RPTOR: variants seen among roughly 807,000 people sequenced by gnomAD.
The protein encoded by RPTOR is regulatory-associated protein of mTOR.
Under a neutral mutation model 169.9 loss-of-function variants are expected in RPTOR, and 21 were observed. That is an observed-to-expected ratio of 0.12 (90% CI 0.09 to 0.18). The LOEUF is 0.18. Among genes scored for constraint, RPTOR ranks in the 10% least tolerant of loss-of-function variants. The pLI is 1.00. For missense variants in RPTOR, 1,133 were observed against 1,855.9 expected, an observed-to-expected ratio of 0.61 and a Z score of 7.16; for synonymous variants, 732 against 753.2, an observed-to-expected ratio of 0.97 and a Z score of 0.46.
chr17:80,628,031 T>G (rs538437237), intron 2 of RPTOR, among the ~76,000 whole-genome samples: 4 of 152,160 alleles, frequency 2.6e-5, no homozygotes, highest in African/African-American at 7.2e-5. Context: ...AGAGACAGGA[T>G]TTCTCCATGT....
At chr17:80,857,742 G>C (rs764407197) in intron 12 of RPTOR, 48 bp from the exon 13 acceptor site, 1 of 1,427,886 alleles carries the variant, frequency 7.0e-7, no homozygotes, top group Non-Finnish European at 9.8e-7. Context: ...GCTGCTGCCC[G>C]TTCCCTTGCT....
chr17:80,867,611 CTA>C (rs200213236), intron 13 of RPTOR, among the ~76,000 whole-genome samples: 1,881 of 152,246 alleles, frequency 0.012, 29 homozygotes, highest in African/African-American at 0.043. Flanking sequence ...GCATGATTGT[CTA>C]TGTGGAGAAT....
In RPTOR at chr17:80,823,082, T is replaced by G; in HGVS notation, c.995T>G (p.Leu332Arg). Residue 332 changes from leucine (L) to arginine (R), a missense_variant, in exon 9 of 34, where the codon CTC becomes CGC. Coordinates refer to ENST00000306801, the MANE Select transcript of RPTOR (RefSeq NM_020761.3). This position sits in a 1 kb window ranked among gnomAD's most constrained non-coding sequence, Gnocchi z 4.5. ...TIAWNVLPRD[L>R]FQKLFRQDLL... is the part of the protein sequence containing the mutation. ...TTTATCTTTTATCTGCCCTCAGATC[T>G]CTTCCAAAAGCTCTTCAGACAGGAC... is the stretch of plus-strand genomic sequence containing the variant. The G allele has an allele frequency of 6.2e-7, 1 of 1,614,152 alleles. No homozygotes were observed. The highest frequency in any genetic ancestry group is 1.1e-5 in the South Asian group (1 of 91,072).
chr17:80,862,601 TCCGC>T (rs1567954970), intron 13 of RPTOR, among the ~76,000 whole-genome samples: 28 of 146,912 alleles, frequency 1.9e-4, no homozygotes, highest in African/African-American at 7.3e-4. Flanking sequence ...CCTCTGGAGC[TCCGC>T]CCACCATGAT....
chr17:80,679,903 C>T (rs538136698), intron 3 of RPTOR, among the ~76,000 whole-genome samples: 2 of 134,758 alleles, frequency 1.5e-5, no homozygotes, highest in Admixed American at 7.2e-5. Context: ...GGTGAGGTGT[C>T]CTCTCCACGG....
intron 29 of RPTOR, among the ~76,000 whole-genome samples, chr17:80,958,704 C>T (rs974757528): frequency 2.6e-5 from 4 of 152,196 alleles, no homozygotes; most frequent in African/African-American, 7.2e-5. Flanking sequence ...TGAGCCACTG[C>T]GCCCGGCCAG....
Position 80,957,707 on chromosome 17 carries a change from A to G in RPTOR, c.3454A>G (p.Thr1152Ala), listed in dbSNP as rs1357242716. Reference protein sequence around the residue: ...GDVRIVRIWDTDREMKVQDIP... With the variant: ...GDVRIVRIWDADREMKVQDIP... ...CGTGCGGATCGTCCGGATCTGGGAC[A>G]CAGACCGTGAGATGAAGGTGCAGGT... Residue 1152 changes from threonine to alanine, a missense_variant, in exon 29 of 34, where the codon ACA (threonine) becomes GCA (alanine). By Grantham distance (58) the Thr-to-Ala change is moderately conservative (BLOSUM62 0). Transcript: ENST00000306801. The surrounding 1 kb of genome is among the most constrained non-coding windows in gnomAD (Gnocchi z 4.6). 4 of 1,614,110 alleles carry G rather than the reference A, an allele frequency of 2.5e-6. No individual in the cohort carries two copies. The highest frequency in any genetic ancestry group is 3.3e-5 in the Admixed American group (2 of 60,036).
At chr17:80,690,976 G>T (rs1189759089) in intron 3 of RPTOR, among the ~76,000 whole-genome samples, 2 of 152,018 alleles carry the variant, frequency 1.3e-5, no homozygotes, top group Admixed American at 1.3e-4. Context: ...TAAATGTCTT[G>T]TAGAAACAGG....
rs912808499 is a variant in RPTOR at position 80,880,303 on chromosome 17, A to G, written c.1510-112A>G. 1.2e-5 allele frequency: 10 copies of G among 868,876 alleles called. 1 individual carries two copies. In the Admixed American group the frequency reaches 1.3e-4, roughly 11 times the overall value. The allele number at this position is 868,876 out of a possible 1,614,324, so 53.8% of individuals were successfully genotyped here. A position where few individuals can be genotyped will look rare whatever the true frequency, so the allele number is the denominator to read the frequency against. On this transcript the variant is annotated intron_variant, in intron 13 of 33. Coordinates refer to ENST00000306801, the MANE Select transcript of RPTOR (RefSeq NM_020761.3). ...ATGAAAACTGGGCTTGAAAGGAGGA[A>G]ATAATTGAGGTATAAGAAGTCCCTG...
chr17:80,625,771 T>C lies in RPTOR; in HGVS notation c.243T>C (p.Cys81=), dbSNP rs1472803220. The C allele has an allele frequency of 1.2e-6, 2 of 1,612,294 alleles. No individual in the cohort carries two copies. The highest frequency in any genetic ancestry group is 1.7e-6 in the Non-Finnish European group (2 of 1,179,192). ...DPPDVVKTTP[C]ARLECWIDPL... is the part of the protein sequence containing the mutation. The stretch of plus-strand genomic sequence containing the variant: ...CCGATGTGGTGAAGACCACGCCCTG[T>C]GCACGCTTGGAATGCTGGATCGGTG... Residue 81 remains cysteine, a synonymous_variant, in exon 2 of 34, where the codon TGT becomes TGC. Transcript: ENST00000306801.
At position 80,549,051 on chromosome 17, in the gene RPTOR, C is replaced by T. The variant is rs930534500; in HGVS notation, c.162+3260C>T. ...CTCCCAAGAAGTTTTTTTTGCCACC[C>T]AACACTTGGCATCCTTCCAGAGCTA... is the stretch of plus-strand genomic sequence containing the variant. On this transcript the variant is annotated intron_variant, in intron 1 of 33. Transcript: ENST00000306801. 3.9e-5 allele frequency among the ~76,000 whole-genome samples: 6 copies of T among 152,174 alleles called. No homozygotes were observed. The East Asian group carries it at 1.2e-3, about 29-fold the overall frequency.
Position 80,878,980 on chromosome 17 carries a change from G to C in RPTOR, c.1510-1435G>C, listed in dbSNP as rs1246194159. 6.6e-6 allele frequency among the ~76,000 whole-genome samples: 1 copy of C among 151,926 alleles called. No individual in the cohort carries two copies. Among genetic ancestry groups the C allele is most frequent in the African/African-American group, 2.4e-5 (1 of 41,346 alleles). ...CGTCCCTCCTCCTTCCCCAGGCCCC[G>C]TCCCCCGCCTTGCCCTCTGAAAGTG... On this transcript the variant is annotated intron_variant, in intron 13 of 33. Coordinates refer to ENST00000306801, the MANE Select transcript of RPTOR (RefSeq NM_020761.3). The surrounding 1 kb of genome is among the most constrained non-coding windows in gnomAD (Gnocchi z 4.1).
chr17:80,649,148 A>C (rs1439759892), intron 3 of RPTOR, among the ~76,000 whole-genome samples: 2 of 152,340 alleles, frequency 1.3e-5, no homozygotes, highest in East Asian at 3.9e-4. Flanking sequence ...AGATATGGAT[A>C]ATCGGGGAAG....
chr17:80,890,162 A>G (rs970252384), intron 17 of RPTOR, among the ~76,000 whole-genome samples: 1 of 152,188 alleles, frequency 6.6e-6, no homozygotes, highest in African/African-American at 2.4e-5. Flanking sequence ...TTCCCCTTGA[A>G]TAACAGACGT....
In RPTOR at chr17:80,657,769, T is replaced by C. The variant is rs138038386; in HGVS notation, c.348+13959T>C. ...AGTTTTTAATCTTTTAGTTGGAATA[T>C]TTAGTCCATTTACATTTAATGTAGT... On this transcript the variant is annotated intron_variant, in intron 3 of 33. Transcript: ENST00000306801. Among the ~76,000 whole-genome samples the C allele has an allele frequency of 3.7e-3, 564 of 152,296 alleles. 2 individuals are homozygous for C. The highest frequency in any genetic ancestry group is 0.013 in the African/African-American group (538 of 41,564).
Position 80,846,468 on chromosome 17 carries a change from C to T in RPTOR, c.1213-5C>T, listed in dbSNP as rs372549837. 203 of 1,613,566 alleles carry T rather than the reference C, an allele frequency of 1.3e-4. No homozygotes were observed. The African/African-American group carries it at 2.2e-3, about 18-fold the overall frequency. On this transcript the variant is annotated splice_polypyrimidine_tract_variant and splice_region_variant and intron_variant, in intron 10 of 33. Coordinates refer to ENST00000306801, the MANE Select transcript of RPTOR (RefSeq NM_020761.3). ...TAACAAGCACCTGTTCTGCTTGCCC[C>T]GCAGCACAGCCCGTTCTTCGCCGAG...
chr17:80,791,381 T>C (rs2067046583), intron 6 of RPTOR, 69 bp from the exon 7 acceptor site: 2 of 1,430,126 alleles, frequency 1.4e-6, no homozygotes, highest in Non-Finnish European at 2.0e-6. Flanking sequence ...TCCCTTTTTC[T>C]GCAGGCCTGT....
intron 9 of RPTOR, among the ~76,000 whole-genome samples, chr17:80,833,421 C>A (rs1247303326): frequency 6.6e-6 from 1 of 152,204 alleles, no homozygotes; most frequent in African/African-American, 2.4e-5. Flanking sequence ...GCAGCTTGAT[C>A]GCAGGCTGTG....
At chr17:80,710,332 T>C (rs8074870) in intron 4 of RPTOR, among the ~76,000 whole-genome samples, 23,832 of 151,804 alleles carry the variant, frequency 0.16, 2,750 homozygotes, top group African/African-American at 0.33. Context: ...TGTCTTGGTG[T>C]GCTGGCCGAT....
Sources: allele counts gnomAD v4.1 joint callset (sites outside exome capture counted in the v4.1 genomes callset), GRCh38; gene constraint gnomAD v4.1.1; non-coding constraint Gnocchi (gnomAD v3.1); transcripts MANE v1.5; gene names NCBI Gene and HGNC (gene_info 2026-07-23, HGNC 2026-07-21).